CNIH3: variants seen among roughly 807,000 people sequenced by gnomAD.
The protein encoded by CNIH3 is cornichon family AMPA receptor auxiliary protein 3.
A neutral mutation model predicts 24.1 loss-of-function variants in CNIH3; 14 were observed. The observed-to-expected ratio is 0.58, with a 90% CI of 0.38 to 0.91. CNIH3 has a LOEUF of 0.91. CNIH3 is among the 40% of genes least tolerant of loss of function. CNIH3 has a pLI of 0.00. For synonymous variants in CNIH3, 68 were observed against 73.8 expected, an observed-to-expected ratio of 0.92 and a Z score of 0.40; for missense variants, 178 against 196.8, an observed-to-expected ratio of 0.90 and a Z score of 0.57.
intron 3 of CNIH3, among the ~76,000 whole-genome samples, chr1:224,727,927 G>A (rs141016131): frequency 7.2e-5 from 11 of 152,236 alleles, no homozygotes; most frequent in East Asian, 1.9e-4. Context: ...GGAGACCTCC[G>A]TGACTAGCTG....
intron 2 of CNIH3, among the ~76,000 whole-genome samples, chr1:224,683,931 C>T (rs1686523382): frequency 6.6e-6 from 1 of 152,186 alleles, no homozygotes; most frequent in Non-Finnish European, 1.5e-5. Context: ...TTCCTCTGGG[C>T]TTACAGGATG....
At chr1:224,516,414 A>G (rs905085327) in intron 1 of CNIH3, among the ~76,000 whole-genome samples, 3 of 151,634 alleles carry the variant, frequency 2.0e-5, no homozygotes, top group Non-Finnish European at 4.4e-5. Context: ...AGTCAACTCC[A>G]GGTGCTACCA....
chr1:224,738,958 A>G (rs1031099979), intron 5 of CNIH3, among the ~76,000 whole-genome samples: 2 of 152,068 alleles, frequency 1.3e-5, no homozygotes, highest in Non-Finnish European at 2.9e-5. Flanking sequence ...ATGCAAGCAC[A>G]TGGCAGCTGG....
intron 1 of CNIH3, among the ~76,000 whole-genome samples, chr1:224,486,974 C>A (rs556157033): frequency 6.6e-6 from 1 of 152,160 alleles, no homozygotes; most frequent in East Asian, 1.9e-4. Context: ...ACGAAAGTCA[C>A]GTAAAGAGCC....
chr1:224,592,064 CT>C (rs940813124), downstream of CNIH3, among the ~76,000 whole-genome samples: 3 of 151,122 alleles, frequency 2.0e-5, no homozygotes, highest in Admixed American at 1.3e-4. Context: ...ACAGGCAGGA[CT>C]TTTTTTTTGT....
chr1:224,448,961 CTTTTT>C (rs397983008), intron 1 of CNIH3, among the ~76,000 whole-genome samples: 2 of 115,268 alleles, frequency 1.7e-5, no homozygotes, highest in Non-Finnish European at 1.9e-5. Flanking sequence ...AGCTGGGATT[CTTTTT>C]TTTTTTTTTT....
At chr1:224,574,881 C>T (rs1406320934) in intron 4 of CNIH3, 2 of 1,009,054 alleles carry the variant, frequency 2.0e-6, no homozygotes, top group Admixed American at 3.4e-5. Flanking sequence ...CATGGAAGAG[C>T]TGGTGGATGA....
intron 1 of CNIH3, among the ~76,000 whole-genome samples, chr1:224,671,181 G>T (rs897237910): frequency 2.6e-5 from 4 of 152,038 alleles, no homozygotes; most frequent in South Asian, 2.1e-4. Flanking sequence ...ATTTTTCTGT[G>T]CATATATCTA....
Position 224,739,586 on chromosome 1 carries a change from C to T in CNIH3, c.*230C>T, listed in dbSNP as rs1223583038. On this transcript the variant is annotated 3_prime_UTR_variant, in exon 6 of 6. Transcript: ENST00000272133. ...ATCTTTGGCATTCGAATTCCACACACGGGGTCCTAGAGCCCTTCTGAGCAT... is the reference window on the plus strand; with the variant it reads ...ATCTTTGGCATTCGAATTCCACACATGGGGTCCTAGAGCCCTTCTGAGCAT... The T allele has an allele frequency of 1.6e-5, 12 of 739,484 alleles. No homozygotes were observed. The highest frequency in any genetic ancestry group is 2.0e-5 in the South Asian group (1 of 49,694). The allele number at this position is 739,484 out of a possible 1,614,324, so 45.8% of individuals were successfully genotyped here.
intron 1 of CNIH3, among the ~76,000 whole-genome samples, chr1:224,493,950 C>A (rs1227861287): frequency 2.0e-5 from 3 of 152,168 alleles, no homozygotes; most frequent in Admixed American, 1.3e-4. Flanking sequence ...TGCTGCAGTA[C>A]TGCAGCATTT....
chr1:224,640,935 G>C (rs907346902), intron 1 of CNIH3, among the ~76,000 whole-genome samples: 6 of 152,202 alleles, frequency 3.9e-5, no homozygotes, highest in South Asian at 2.1e-4. Context: ...GCACTTGATT[G>C]TGAGCAAGTG....
chr1:224,719,543 G>A (rs1025696117), intron 3 of CNIH3, among the ~76,000 whole-genome samples: 1 of 152,136 alleles, frequency 6.6e-6, no homozygotes, highest in Non-Finnish European at 1.5e-5. Flanking sequence ...CCTCTTACAG[G>A]TAATAGTTAT....
At chr1:224,559,563 G>C (rs1343516250) in intron 3 of CNIH3, among the ~76,000 whole-genome samples, 5 of 152,140 alleles carry the variant, frequency 3.3e-5, no homozygotes, top group Admixed American at 3.3e-4. Flanking sequence ...TGTAGAGATG[G>C]GGTGTCACTG....
Position 224,617,112 on chromosome 1 carries a change from T to C in CNIH3, c.-63T>C. 1 of 1,599,060 alleles carries C rather than the reference T, an allele frequency of 6.3e-7. No individual in the cohort carries two copies. Among genetic ancestry groups the C allele is most frequent in the Non-Finnish European group, 8.5e-7 (1 of 1,173,122 alleles). On this transcript the variant is annotated 5_prime_UTR_variant, in exon 1 of 6. Coordinates refer to ENST00000272133, the MANE Select transcript of CNIH3 (RefSeq NM_152495.2). ...GCTCCTTGGAGGGAGTGCGGTCCTC[T>C]AGGGAGGCATCGGGCTCCTAGGGGC...
intron 3 of CNIH3, among the ~76,000 whole-genome samples, chr1:224,686,055 G>A (rs965612997): frequency 1.3e-5 from 2 of 151,232 alleles, no homozygotes; most frequent in Admixed American, 6.6e-5. Context: ...TGTACACAAC[G>A]TGCAGGTTTG....
intron 3 of CNIH3, among the ~76,000 whole-genome samples, chr1:224,687,382 A>C (rs1686713054): frequency 6.6e-6 from 1 of 152,128 alleles, no homozygotes; most frequent in South Asian, 2.1e-4. Context: ...GCAGGCATGC[A>C]CCACCATGCC....
intron 1 of CNIH3, among the ~76,000 whole-genome samples, chr1:224,629,883 C>T (rs767024600): frequency 1.3e-5 from 2 of 152,126 alleles, no homozygotes; most frequent in Non-Finnish European, 2.9e-5. Flanking sequence ...TGTTTTACTA[C>T]ATTTCTTAGA....
chr1:224,693,123 C>T (rs569863130), intron 3 of CNIH3, among the ~76,000 whole-genome samples: 3 of 152,340 alleles, frequency 2.0e-5, no homozygotes, highest in Non-Finnish European at 4.4e-5. Context: ...TATTTTCAGA[C>T]GCTTTCCGTG....
rs1037953834 is a variant in CNIH3, at chr1:224,449,423, C to T, written n.203+14561C>T. Among the ~76,000 whole-genome samples the T allele has an allele frequency of 4.6e-5, 7 of 152,282 alleles. No individual in the cohort carries two copies. The East Asian group carries it at 1.2e-3, about 25-fold the overall frequency. Reference sequence around the variant, plus strand: ...TTTGGGTTTACATCTTTTTATTCTACCTGGATTAGACAGTAGCCTCCTAAA... The same window carrying T: ...TTTGGGTTTACATCTTTTTATTCTATCTGGATTAGACAGTAGCCTCCTAAA... On this transcript the variant is annotated intron_variant and non_coding_transcript_variant, in intron 1 of 5. Coordinates refer to the CNIH3 transcript ENST00000471578.
Sources: allele counts gnomAD v4.1 joint callset (sites outside exome capture counted in the v4.1 genomes callset), GRCh38; gene constraint gnomAD v4.1.1; transcripts MANE v1.5; gene names NCBI Gene and HGNC (gene_info 2026-07-23, HGNC 2026-07-21).